Variants in SNX29 observed in about 807,000 individuals in gnomAD.
SNX29 encodes sorting nexin-29.
In SNX29, 78 loss-of-function variants were observed where a neutral mutation model predicts 102.1. The observed-to-expected ratio is 0.76, with a 90% CI of 0.64 to 0.92. The LOEUF is 0.92. Among genes scored for constraint, SNX29 ranks in the 40% least tolerant of loss-of-function variants. The pLI is 0.00. For missense variants in SNX29, 1,280 were observed against 1,061.7 expected, an observed-to-expected ratio of 1.21 and a Z score of -2.86; for synonymous variants, 580 against 414.5, an observed-to-expected ratio of 1.40 and a Z score of -4.85.
At chr16:12,222,605 G>C (rs2077507166) in intron 14 of SNX29, among the ~76,000 whole-genome samples, 1 of 152,046 alleles carries the variant, frequency 6.6e-6, no homozygotes, top group Admixed American at 6.6e-5. Flanking sequence ...GTCTCTCTCT[G>C]TCACCCAGGC....
intron 16 of SNX29, among the ~76,000 whole-genome samples, chr16:12,389,109 C>A (rs1211644237): frequency 6.6e-6 from 1 of 152,176 alleles, no homozygotes; most frequent in East Asian, 1.9e-4. Flanking sequence ...AATCCTACAT[C>A]CACTCCCCAT....
chr16:12,539,098 C>G (rs533222594), intron 20 of SNX29, among the ~76,000 whole-genome samples: 2 of 152,206 alleles, frequency 1.3e-5, no homozygotes, highest in Non-Finnish European at 2.9e-5. Flanking sequence ...GCCCAGAGTC[C>G]TACTTGCCTT....
intron 20 of SNX29, among the ~76,000 whole-genome samples, chr16:12,561,964 T>TCCC (rs1462500965): frequency 5.3e-5 from 8 of 152,076 alleles, no homozygotes; most frequent in African/African-American, 1.9e-4. Flanking sequence ...GGGCATGATG[T>TCCC]CCCCAGAGTG....
chr16:12,283,439 G>T lies in SNX29; in HGVS notation c.1782+5403G>T, dbSNP rs551751283. Among the ~76,000 whole-genome samples, 3 of 151,884 alleles carry T rather than the reference G, an allele frequency of 2.0e-5. No individual in the cohort carries two copies. The East Asian group carries it at 5.8e-4, about 29-fold the overall frequency. ...GGTTCAAGCGCTTCTTCTGTCTCAG[G>T]CTCCTGAGTAGCTGGGACTACAGGC... On this transcript the variant is annotated intron_variant, in intron 15 of 20. Coordinates refer to ENST00000566228, the MANE Select transcript of SNX29 (RefSeq NM_032167.5).
At chr16:12,457,348 T>C (rs2086583842) in intron 18 of SNX29, among the ~76,000 whole-genome samples, 1 of 152,174 alleles carries the variant, frequency 6.6e-6, no homozygotes, top group Non-Finnish European at 1.5e-5. Flanking sequence ...CGGGGGTTAA[T>C]TGAGGCAGCA....
intron 9 of SNX29, among the ~76,000 whole-genome samples, chr16:12,066,889 A>G (rs2051062970): frequency 6.6e-6 from 1 of 151,874 alleles, no homozygotes; most frequent in East Asian, 1.9e-4. Context: ...TACATGCGTT[A>G]AGATGTAACA....
At chr16:12,562,091 C>A (rs1029763559) in intron 20 of SNX29, among the ~76,000 whole-genome samples, 1 of 152,164 alleles carries the variant, frequency 6.6e-6, no homozygotes, top group African/African-American at 2.4e-5. Flanking sequence ...GTAGTTTGAA[C>A]CGCATTTCTA....
intron 19 of SNX29, among the ~76,000 whole-genome samples, chr16:12,491,581 A>G (rs1490514928): frequency 1.3e-5 from 2 of 151,940 alleles, no homozygotes; most frequent in Non-Finnish European, 2.9e-5. Flanking sequence ...CACAACGTGC[A>G]GGTTTGTTAC....
intron 19 of SNX29, among the ~76,000 whole-genome samples, chr16:12,494,880 C>T (rs1289965664): frequency 2.6e-5 from 4 of 152,226 alleles, no homozygotes; most frequent in East Asian, 3.9e-4. Context: ...CCCTGCTTCA[C>T]ATCAGTGGCA....
intron 15 of SNX29, among the ~76,000 whole-genome samples, chr16:12,322,384 A>G (rs939033244): frequency 2.0e-5 from 3 of 152,164 alleles, no homozygotes; most frequent in Admixed American, 2.0e-4. Flanking sequence ...TGTTCATGAC[A>G]GTTCTCTTGG....
At chr16:12,039,250 G>T (rs566151029) in intron 4 of SNX29, among the ~76,000 whole-genome samples, 1 of 152,188 alleles carries the variant, frequency 6.6e-6, no homozygotes, top group African/African-American at 2.4e-5. Context: ...CACTGTGCTC[G>T]GTGCTTTCCT....
intron 18 of SNX29, among the ~76,000 whole-genome samples, chr16:12,457,854 G>A (rs1345226228): frequency 1.3e-5 from 2 of 152,228 alleles, no homozygotes; most frequent in Admixed American, 6.5e-5. Flanking sequence ...GATGTTTGTG[G>A]TCTGCATACG....
Position 12,570,975 on chromosome 16 carries a change from A to ACCTCCC in SNX29, c.*2349_*2354dup, listed in dbSNP as rs1389001204. The ACCTCCC allele has an allele frequency of 8.6e-6, 2 of 231,810 alleles. No homozygotes were observed. Among genetic ancestry groups the ACCTCCC allele is most frequent in the Non-Finnish European group, 1.7e-5 (2 of 117,292 alleles). 14.4% of individuals were successfully genotyped at this position (231,810 alleles called of 1,614,324 possible). ...CCATCCCCAGCTGCCTGCTCCTGGTACCTCCCCCATGATCATGCACAGACC... is the reference window on the plus strand; with the variant it reads ...CCATCCCCAGCTGCCTGCTCCTGGTACCTCCCCCTCCCCCATGATCATGCACAGACC... On this transcript the variant is annotated 3_prime_UTR_variant, in exon 21 of 21. Transcript: ENST00000566228.
In SNX29 at chr16:12,570,674, C is replaced by T. The variant is rs574465726; in HGVS notation, c.*2045C>T. On this transcript the variant is annotated 3_prime_UTR_variant, in exon 21 of 21. Coordinates refer to ENST00000566228, the MANE Select transcript of SNX29 (RefSeq NM_032167.5). ...CATTCCCTTGGGCCCAGGCTTATGA[C>T]CTGCACCTTTTCTGACACCTGCCCC... 4.3e-6 allele frequency: 1 copy of T among 232,016 alleles called. No homozygotes were observed. Among genetic ancestry groups the T allele is most frequent in the Non-Finnish European group, 8.5e-6 (1 of 117,312 alleles). 14.4% of individuals were successfully genotyped at this position (232,016 alleles called of 1,614,324 possible). A position where few individuals can be genotyped will look rare whatever the true frequency, so the allele number is the denominator to read the frequency against.
chr16:12,193,751 T>C (rs745319354), intron 13 of SNX29, among the ~76,000 whole-genome samples: 5 of 152,234 alleles, frequency 3.3e-5, no homozygotes, highest in Admixed American at 6.5e-5. Context: ...GTGGAAAAGA[T>C]TGTCCTTTCT....
chr16:12,228,500 A>G (rs1232712481), intron 14 of SNX29, among the ~76,000 whole-genome samples: 3 of 152,242 alleles, frequency 2.0e-5, no homozygotes, highest in Non-Finnish European at 4.4e-5. Flanking sequence ...CCCTTTCTTT[A>G]CAACACAGAG....
intron 15 of SNX29, among the ~76,000 whole-genome samples, chr16:12,328,536 T>C (rs1054147469): frequency 5.9e-5 from 9 of 152,162 alleles, no homozygotes; most frequent in African/African-American, 2.2e-4. Flanking sequence ...GGAGGACTTC[T>C]GGAACATGAG....
intron 19 of SNX29, among the ~76,000 whole-genome samples, chr16:12,507,592 A>G (rs2089434893): frequency 6.6e-6 from 1 of 152,120 alleles, no homozygotes; most frequent in African/African-American, 2.4e-5. Flanking sequence ...AAGAGTTAAC[A>G]AACTTTTTCT....
rs2053376801 is a variant in SNX29 at position 12,108,803 on chromosome 16, G to C, written c.1403-17830G>C. Among the ~76,000 whole-genome samples, 3 of 152,094 alleles carry C rather than the reference G, an allele frequency of 2.0e-5. No homozygotes were observed. In the South Asian group the frequency reaches 6.2e-4, roughly 32 times the overall value. ...GTCCCTGTCTTGTTCGTTTTCTGTT[G>C]CTTATAACAGAGTACTTGAAGTTGG... is the stretch of plus-strand genomic sequence containing the variant. On this transcript the variant is annotated intron_variant, in intron 11 of 20. Coordinates refer to ENST00000566228, the MANE Select transcript of SNX29 (RefSeq NM_032167.5).
Sources: gnomAD v4.1 joint callset for allele counts (sites outside exome capture counted in the v4.1 genomes callset) on GRCh38, gnomAD v4.1.1 for gene constraint, MANE v1.5 for transcripts, NCBI Gene and HGNC (gene_info 2026-07-23, HGNC 2026-07-21) for gene names.